Variants in ADGRB3 observed in about 807,000 individuals in gnomAD.
ADGRB3 encodes the protein adhesion G protein-coupled receptor B3.
Under a neutral mutation model 193.4 loss-of-function variants are expected in ADGRB3, and 37 were observed. That is an observed-to-expected ratio of 0.19 (90% CI 0.15 to 0.25). ADGRB3 has a LOEUF of 0.25. Ranked by LOEUF, ADGRB3 falls within the 10% of genes least tolerant of loss-of-function variation. The probability of loss-of-function intolerance (pLI) is 1.00; values close to 1 mark genes in which losing one functional copy is unlikely to be tolerated. For missense variants in ADGRB3, 1,637 were observed against 1,852.9 expected, an observed-to-expected ratio of 0.88 and a Z score of 2.14; for synonymous variants, 690 against 644.2, an observed-to-expected ratio of 1.07 and a Z score of -1.08.
chr6:68,836,543 A>G (rs1002033496), intron 3 of ADGRB3, among the ~76,000 whole-genome samples: 6 of 152,174 alleles, frequency 3.9e-5, no homozygotes, highest in African/African-American at 1.4e-4. Flanking sequence ...CATTACATTC[A>G]AATGTGGTCA....
Position 69,275,516 on chromosome 6 carries a change from T to C in ADGRB3, c.2814+36290T>C, listed in dbSNP as rs140974968. 1.7e-3 allele frequency among the ~76,000 whole-genome samples: 263 copies of C among 152,150 alleles called. 2 individuals are homozygous for C. Among genetic ancestry groups the C allele is most frequent in the African/African-American group, 6.0e-3 (250 of 41,542 alleles). ...AGGAGGCAGTAGCTGAGATTAATTA[T>C]GTATAATTATATTATTATTCCTCTT... On this transcript the variant is annotated intron_variant, in intron 20 of 31. Transcript: ENST00000370598.
Position 68,817,305 on chromosome 6 carries a change from ATGTATATATATATATAT to A in ADGRB3, c.758-113253_758-113237del, listed in dbSNP as rs1767651999. The stretch of plus-strand genomic sequence containing the variant: ...AGGTATTTATTATTCCCTTTTGTCC[ATGTATATATATATATAT>A]ATATATATATATATATATATATATA... On this transcript the variant is annotated intron_variant, in intron 3 of 31. Transcript: ENST00000370598. Among the ~76,000 whole-genome samples, 215 of 43,486 alleles carry A rather than the reference ATGTATATATATATATAT, an allele frequency of 4.9e-3. 6 individuals carry two copies. Among genetic ancestry groups the A allele is most frequent in the Middle Eastern group, 0.045 (3 of 66 alleles). 28.5% of individuals were successfully genotyped at this position (43,486 alleles called of 152,430 possible).
At position 69,141,495 on chromosome 6, in the gene ADGRB3, C is replaced by T. The variant is rs1222688680; in HGVS notation, c.2480+65457C>T. On this transcript the variant is annotated intron_variant, in intron 17 of 31. Coordinates refer to ENST00000370598, the MANE Select transcript of ADGRB3 (RefSeq NM_001704.3). ...AGGTGATTCTTGAGTAAATAGTTAA[C>T]AGAAATGAGAAAGCAAGCCATACAG... Among the ~76,000 whole-genome samples the T allele has an allele frequency of 2.1e-5, 3 of 144,930 alleles. No individual in the cohort carries two copies. The Admixed American group carries it at 2.2e-4, about 11-fold the overall frequency.
chr6:68,862,215 A>G (rs1170459983), intron 3 of ADGRB3, among the ~76,000 whole-genome samples: 1 of 151,182 alleles, frequency 6.6e-6, no homozygotes, highest in Non-Finnish European at 1.5e-5. Flanking sequence ...AAGTCTTCAC[A>G]AACCTCCTCT....
chr6:68,779,691 A>AT (rs1766817994), intron 3 of ADGRB3, among the ~76,000 whole-genome samples: 1 of 151,686 alleles, frequency 6.6e-6, no homozygotes, highest in African/African-American at 2.4e-5. Context: ...ATTAGGTGTT[A>AT]TTTTTTAAAT....
Position 68,993,886 on chromosome 6 carries a change from T to A in ADGRB3, c.1853T>A (p.Met618Lys). Residue 618 changes from methionine (M) to lysine (K), a missense_variant, in exon 11 of 32, where the codon ATG (methionine) becomes AAG (lysine). Around this residue, in one of 7 missense-constraint regions of ADGRB3, gnomAD observed 641 missense variants for 673.9 expected, o/e 0.95. Transcript: ENST00000370598. ...RKNFYAGDLLMSVEILRNVTD... is the reference protein window; with the variant it reads ...RKNFYAGDLLKSVEILRNVTD... Reference sequence around the variant, plus strand: ...AATTTCTATGCAGGCGATCTTCTGATGTCTGTGGAGATCCTGAGAAATGTG... The same window carrying A: ...AATTTCTATGCAGGCGATCTTCTGAAGTCTGTGGAGATCCTGAGAAATGTG... The A allele has an allele frequency of 6.2e-7, 1 of 1,613,982 alleles. No individual in the cohort carries two copies. Among genetic ancestry groups the A allele is most frequent in the African/African-American group, 1.3e-5 (1 of 75,032 alleles).
intron 8 of ADGRB3, among the ~76,000 whole-genome samples, chr6:68,961,055 A>G (rs866821787): frequency 6.6e-6 from 1 of 152,212 alleles, no homozygotes; most frequent in South Asian, 2.1e-4. Flanking sequence ...TTTTTCATAA[A>G]CGATGAGGGA....
intron 17 of ADGRB3, among the ~76,000 whole-genome samples, chr6:69,221,169 A>T (rs1382132189): frequency 6.6e-6 from 1 of 152,182 alleles, no homozygotes; most frequent in Admixed American, 6.6e-5. Flanking sequence ...AAATTATGAT[A>T]GTCATTATTT....
intron 17 of ADGRB3, 118 bp from the exon 18 acceptor site, chr6:69,233,172 T>TC (rs751841014): frequency 9.6e-5 from 130 of 1,361,040 alleles, no homozygotes; most frequent in Non-Finnish European, 8.8e-5. Context: ...TAGATTTTTT[T>TC]TTCCTGTACA....
Position 68,782,044 on chromosome 6 carries a change from A to G in ADGRB3, c.757+142612A>G, listed in dbSNP as rs188324385. Among the ~76,000 whole-genome samples the G allele has an allele frequency of 3.5e-3, 533 of 151,680 alleles. 4 individuals are homozygous for G. The highest frequency in any genetic ancestry group is 0.012 in the African/African-American group (504 of 41,380). ...GTGCAGGTTTGTTACATATGTATAC[A>G]TGTGCCATGTTGGTGTGCTGCACCC... On this transcript the variant is annotated intron_variant, in intron 3 of 31. Coordinates refer to ENST00000370598, the MANE Select transcript of ADGRB3 (RefSeq NM_001704.3).
intron 11 of ADGRB3, among the ~76,000 whole-genome samples, chr6:69,001,621 T>C (rs911173101): frequency 2.0e-5 from 3 of 152,010 alleles, no homozygotes; most frequent in Admixed American, 6.5e-5. Flanking sequence ...AACATCTTCA[T>C]GGAAGGAAAG....
At chr6:69,331,948 A>T in intron 23 of ADGRB3, 1 of 985,368 alleles carries the variant, frequency 1.0e-6, no homozygotes, top group Non-Finnish European at 1.2e-6. Flanking sequence ...CTAAGTCCAT[A>T]CTTAATAGGT....
At chr6:68,919,129 C>T (rs537681729) in intron 3 of ADGRB3, among the ~76,000 whole-genome samples, 3 of 152,184 alleles carry the variant, frequency 2.0e-5, no homozygotes, top group Non-Finnish European at 4.4e-5. Flanking sequence ...AATTATTACT[C>T]TGCAATTATG....
chr6:69,371,421 G>A (rs920080006), intron 29 of ADGRB3, among the ~76,000 whole-genome samples: 1 of 151,994 alleles, frequency 6.6e-6, no homozygotes, highest in African/African-American at 2.4e-5. Flanking sequence ...ATTGAAGTTT[G>A]TAGGTGTTGG....
At chr6:69,281,977 G>T (rs1767446751) in intron 20 of ADGRB3, among the ~76,000 whole-genome samples, 1 of 151,950 alleles carries the variant, frequency 6.6e-6, no homozygotes, top group Admixed American at 6.6e-5. Context: ...GCATCACTGG[G>T]GTATCTCTCA....
rs774994980 is a variant in ADGRB3, at chr6:69,361,465, C to T, written c.4192C>T (p.Leu1398=). ...MASELDDNAG[L]SRSETGSTIS... Reference sequence around the variant, plus strand: ...CTCTGAGTTGGATGATAATGCAGGACTATCAAGAAGTGAAACTGGATCAAC... The same window carrying T: ...CTCTGAGTTGGATGATAATGCAGGATTATCAAGAAGTGAAACTGGATCAAC... The change falls in exon 29 of 32, where the codon CTA becomes TTA. Residue 1398 remains leucine (L), a synonymous_variant. Coordinates refer to ENST00000370598, the MANE Select transcript of ADGRB3 (RefSeq NM_001704.3). The T allele has an allele frequency of 3.4e-5, 55 of 1,612,502 alleles. No homozygotes were observed. Among genetic ancestry groups the T allele is most frequent in the Admixed American group, 1.2e-4 (7 of 59,838 alleles).
intron 17 of ADGRB3, among the ~76,000 whole-genome samples, chr6:69,131,075 A>G (rs1235625194): frequency 6.6e-6 from 1 of 152,132 alleles, no homozygotes; most frequent in Non-Finnish European, 1.5e-5. Context: ...CAAATGTTGG[A>G]ATATAGCCAT....
chr6:69,347,079 C>T (rs1183018277), intron 26 of ADGRB3, among the ~76,000 whole-genome samples: 2 of 152,138 alleles, frequency 1.3e-5, no homozygotes, highest in Admixed American at 6.5e-5. Flanking sequence ...AAGCTGGAAA[C>T]CATCATTCTC....
chr6:69,021,958 G>A (rs139335891), intron 13 of ADGRB3, among the ~76,000 whole-genome samples: 9 of 151,658 alleles, frequency 5.9e-5, no homozygotes, highest in Non-Finnish European at 1.0e-4. Context: ...ATCTCAAAAC[G>A]TTTAGCAGAG....
Sources: gnomAD v4.1 joint callset for allele counts (sites outside exome capture counted in the v4.1 genomes callset) on GRCh38, gnomAD v4.1.1 for gene constraint, gnomAD v4.1.1 regional missense constraint, MANE v1.5 for transcripts, NCBI Gene and HGNC (gene_info 2026-07-23, HGNC 2026-07-21) for gene names.